RUBCN: variants seen among roughly 807,000 people sequenced by gnomAD.
RUBCN encodes the protein rubicon autophagy regulator.
RUBCN carries 74 observed loss-of-function variants against 113.2 expected under a neutral mutation model. That is an observed-to-expected ratio of 0.65 (90% CI 0.54 to 0.79). The LOEUF (loss-of-function observed/expected upper bound fraction) is 0.79. RUBCN is among the 30% of genes least tolerant of loss of function. The pLI is 0.00. For missense variants in RUBCN, 1,109 were observed against 1,251.7 expected (o/e 0.89, Z 1.72); for synonymous variants, 480 against 490.0 (o/e 0.98, Z 0.27).
chr3:197,734,441 C>A (rs1170954767), intron 1 of RUBCN, among the ~76,000 whole-genome samples: 1 of 151,578 alleles, frequency 6.6e-6, no homozygotes, highest in Non-Finnish European at 1.5e-5. Context: ...ACTCTGGTGC[C>A]GAACTGCCTG....
chr3:197,719,577 T>C (rs185314337), intron 1 of RUBCN, among the ~76,000 whole-genome samples: 75 of 151,922 alleles, frequency 4.9e-4, no homozygotes, highest in South Asian at 3.3e-3. Context: ...ACAAAGAGCA[T>C]TGACATCTTA....
At position 197,681,202 on chromosome 3, in the gene RUBCN, T is replaced by C. The variant is rs773021519; in HGVS notation, c.2357A>G (p.Asn786Ser). ...GTCCTGCACGTTGAAGAGAGGATCA[T>C]TCCAGATCTTAATGAGCAGGTCCTT... is the stretch of plus-strand genomic sequence containing the variant. Reference protein sequence around the residue: ...FSKDLLIKIWNDPLFNVQDIN... With the variant: ...FSKDLLIKIWSDPLFNVQDIN... Residue 786 changes from asparagine to serine, a missense_variant, in exon 16 of 20, where the codon AAT becomes AGT. Asn to Ser is a conservative substitution (Grantham distance 46, BLOSUM62 1). Coordinates refer to ENST00000296343, the MANE Select transcript of RUBCN (RefSeq NM_014687.4). This position sits in a 1 kb window ranked among gnomAD's most constrained non-coding sequence, Gnocchi z 5.5. 1 of 1,614,106 alleles carries C rather than the reference T, an allele frequency of 6.2e-7. No individual in the cohort carries two copies.
intron 1 of RUBCN, among the ~76,000 whole-genome samples, chr3:197,729,776 C>G (rs760030211): frequency 1.3e-5 from 2 of 151,740 alleles, no homozygotes; most frequent in African/African-American, 2.4e-5. Flanking sequence ...CCAGGCTGGT[C>G]TTGAGCTCCT....
intron 16 of RUBCN, among the ~76,000 whole-genome samples, chr3:197,678,220 C>A (rs1720692615): frequency 6.6e-6 from 1 of 151,682 alleles, no homozygotes; most frequent in African/African-American, 2.4e-5. Flanking sequence ...CTGTTGTATG[C>A]TCTAACTCGA....
chr3:197,701,098 T>C lies in RUBCN; in HGVS notation c.776A>G (p.Gln259Arg), dbSNP rs2108904362. The change falls in exon 7 of 20, where the codon CAA becomes CGA. Residue 259 changes from glutamine to arginine, a missense_variant. Transcript: ENST00000296343. ...FPLSGPPRKP[Q>R]ESRGHVSPAE... ...TGGTGAGACGTGCCCTCTGCTTTCT[T>C]GAGGTTTCCGGGGAGGGCCAGAGAG... 1 of 1,590,976 alleles carries C rather than the reference T, an allele frequency of 6.3e-7. No individual in the cohort carries two copies. Among genetic ancestry groups the C allele is most frequent in the East Asian group, 2.2e-5 (1 of 44,520 alleles).
intron 11 of RUBCN, among the ~76,000 whole-genome samples, chr3:197,689,483 T>A (rs1378271866): frequency 1.3e-5 from 2 of 152,142 alleles, no homozygotes; most frequent in Non-Finnish European, 2.9e-5. Flanking sequence ...AGATTGGACA[T>A]GCTCTGAGGG....
chr3:197,725,982 A>G (rs1726701131), intron 1 of RUBCN, among the ~76,000 whole-genome samples: 1 of 152,166 alleles, frequency 6.6e-6, no homozygotes, highest in Non-Finnish European at 1.5e-5. Context: ...GATCTTATTC[A>G]TGCAGAGCTC....
Position 197,700,998 on chromosome 3 carries a change from A to C in RUBCN, c.876T>G (p.Asn292Lys). The C allele has an allele frequency of 6.2e-7, 1 of 1,614,126 alleles. No individual in the cohort carries two copies. Among genetic ancestry groups the C allele is most frequent in the South Asian group, 1.1e-5 (1 of 91,072 alleles). The change falls in exon 7 of 20, where the codon AAT (asparagine) becomes AAG (lysine). Residue 292 changes from asparagine (N) to lysine (K), a missense_variant. Around this residue, in one of 3 missense-constraint regions of RUBCN, gnomAD observed 736 missense variants for 779.6 expected, o/e 0.94. Coordinates refer to ENST00000296343, the MANE Select transcript of RUBCN (RefSeq NM_014687.4). ...ALARDSPLTPNEMSSSTLTSP... is the reference protein window; with the variant it reads ...ALARDSPLTPKEMSSSTLTSP... Reference sequence around the variant, plus strand: ...TGGTCAGAGTACTGGAGCTCATTTCATTTGGGGTCAAAGGGGAATCCCTGG... The same window carrying C: ...TGGTCAGAGTACTGGAGCTCATTTCCTTTGGGGTCAAAGGGGAATCCCTGG...
chr3:197,738,758 T>C (rs1234837101), upstream of RUBCN, among the ~76,000 whole-genome samples: 1 of 151,926 alleles, frequency 6.6e-6, no homozygotes, highest in African/African-American at 2.4e-5. Context: ...TTTGTTTTTT[T>C]TTTTTTAATT....
chr3:197,729,836 G>A lies in RUBCN; in HGVS notation c.65+6819C>T, dbSNP rs141474126. On this transcript the variant is annotated intron_variant, in intron 1 of 19. Coordinates refer to ENST00000296343, the MANE Select transcript of RUBCN (RefSeq NM_014687.4). ...AGCCTCCCAAAGTGCTGGGATGACA[G>A]GCATGAGCCACCAAATCCAGCCAAT... Among the ~76,000 whole-genome samples the A allele has an allele frequency of 3.0e-3, 450 of 152,334 alleles. 1 individual carries two copies. Among genetic ancestry groups the A allele is most frequent in the African/African-American group, 0.01 (419 of 41,560 alleles).
Position 197,677,174 on chromosome 3 carries a change from C to T in RUBCN, c.2493-136G>A, listed in dbSNP as rs539365709. The T allele has an allele frequency of 3.4e-5, 32 of 954,114 alleles. No individual in the cohort carries two copies. In the Middle Eastern group the frequency reaches 1.6e-3, roughly 47 times the overall value. The allele number at this position is 954,114 out of a possible 1,614,324, so 59.1% of individuals were successfully genotyped here. On this transcript the variant is annotated intron_variant, in intron 17 of 19. Coordinates refer to ENST00000296343, the MANE Select transcript of RUBCN (RefSeq NM_014687.4). Reference sequence around the variant, plus strand: ...CAGCCAGCCCAAGGTTCCAGGCCGCCGCAGCCGTTCCACGCTATTAGGTGT... The same window carrying T: ...CAGCCAGCCCAAGGTTCCAGGCCGCTGCAGCCGTTCCACGCTATTAGGTGT...
rs1724775058 is a variant in RUBCN at position 197,709,996 on chromosome 3, CCT to C, written c.220-4823_220-4822del. 3.3e-5 allele frequency among the ~76,000 whole-genome samples: 5 copies of C among 151,686 alleles called. No homozygotes were observed. The South Asian group carries it at 1.0e-3, about 32-fold the overall frequency. ...GGCCAGCCTGGCCAATATGTGAAACCCTGTCTCTACTAAAAATACAAAAATTA... is the reference window on the plus strand; with the variant it reads ...GGCCAGCCTGGCCAATATGTGAAACCGTCTCTACTAAAAATACAAAAATTA... On this transcript the variant is annotated intron_variant, in intron 2 of 19. Transcript: ENST00000296343.
chr3:197,674,914 A>G lies in RUBCN; in HGVS notation c.*104T>C. On this transcript the variant is annotated 3_prime_UTR_variant, in exon 20 of 20. Transcript: ENST00000296343. ...AAAAAAAGATGATGATAATTAAAAA[A>G]AAAAAAAAAAAAAGAAGCCCCAGGT... is the stretch of plus-strand genomic sequence containing the variant. The G allele has an allele frequency of 1.0e-6, 1 of 978,880 alleles. No homozygotes were observed. The highest frequency in any genetic ancestry group is 2.0e-5 in the South Asian group (1 of 50,764). 60.6% of individuals were successfully genotyped at this position (978,880 alleles called of 1,614,324 possible).
chr3:197,671,544 G>A lies in RUBCN; in HGVS notation c.*3474C>T, dbSNP rs1719791073. 1 of 152,202 alleles carries A rather than the reference G, an allele frequency of 6.6e-6. No individual in the cohort carries two copies. Among genetic ancestry groups the A allele is most frequent in the Non-Finnish European group, 1.5e-5 (1 of 68,032 alleles). The allele number at this position is 152,202 out of a possible 1,614,324, so 9.4% of individuals were successfully genotyped here. On this transcript the variant is annotated 3_prime_UTR_variant, in exon 20 of 20. Transcript: ENST00000296343. ...TTGAAGACAATTAATTTTCAAACCTGGGTGACTAATGGTTAGGTTTTTGGA... is the reference window on the plus strand; with the variant it reads ...TTGAAGACAATTAATTTTCAAACCTAGGTGACTAATGGTTAGGTTTTTGGA...
rs146006052 is a variant in RUBCN at position 197,703,559 on chromosome 3, C to T, written c.559G>A (p.Asp187Asn). The T allele has an allele frequency of 5.2e-5, 84 of 1,611,078 alleles. 1 individual carries two copies. The East Asian group carries it at 1.5e-3, about 29-fold the overall frequency. Residue 187 changes from aspartate to asparagine, a missense_variant, in exon 5 of 20, where the codon GAT becomes AAT. Physicochemically the swap from Asp to Asn is conservative, Grantham distance 23 (BLOSUM62 1). Transcript: ENST00000296343. ...QNNPRLLAQI[D>N]ASMFARKHES... ...CTTGTCCCCTGTACCATGGACGCAT[C>T]GATCTGAGCCAGGAGGCGGGGGTTG...
chr3:197,727,698 A>T (rs1726913288), intron 1 of RUBCN, among the ~76,000 whole-genome samples: 1 of 152,208 alleles, frequency 6.6e-6, no homozygotes, highest in African/African-American at 2.4e-5. Context: ...CAAATACTGG[A>T]TATGACTTTT....
intron 1 of RUBCN, among the ~76,000 whole-genome samples, chr3:197,722,059 C>T (rs755196875): frequency 1.3e-5 from 2 of 151,516 alleles, no homozygotes; most frequent in African/African-American, 2.4e-5. Flanking sequence ...GTCAACATGG[C>T]GAAACCCCAT....
chr3:197,680,008 G>A (rs1229147102), intron 16 of RUBCN, among the ~76,000 whole-genome samples: 1 of 133,596 alleles, frequency 7.5e-6, no homozygotes, highest in Admixed American at 7.8e-5. Context: ...AGATTGTCCT[G>A]TGCTCTGACA....
rs768455064 is a variant in RUBCN, at chr3:197,701,068, T to A, written c.806A>T (p.Glu269Val). ...TGGGGGGGCTTGGATGGTTTGATCCTCTGCTGGTGAGACGTGCCCTCTGCT... is the reference window on the plus strand; with the variant it reads ...TGGGGGGGCTTGGATGGTTTGATCCACTGCTGGTGAGACGTGCCCTCTGCT... ...QESRGHVSPA[E>V]DQTIQAPPVS... The change falls in exon 7 of 20, where the codon GAG (glutamate) becomes GTG (valine). Residue 269 changes from glutamate to valine, a missense_variant. Glu to Val is a moderately radical substitution (Grantham distance 121). Around this residue, in one of 3 missense-constraint regions of RUBCN, gnomAD observed 736 missense variants for 779.6 expected, o/e 0.94. Transcript: ENST00000296343. The A allele has an allele frequency of 6.2e-7, 1 of 1,610,624 alleles. No homozygotes were observed. The highest frequency in any genetic ancestry group is 1.1e-5 in the South Asian group (1 of 90,842).
Sources: gnomAD v4.1 joint callset for allele counts (sites outside exome capture counted in the v4.1 genomes callset) on GRCh38, gnomAD v4.1.1 for gene constraint, gnomAD v4.1.1 regional missense constraint, Gnocchi (gnomAD v3.1) non-coding constraint, MANE v1.5 for transcripts, NCBI Gene and HGNC (gene_info 2026-07-23, HGNC 2026-07-21) for gene names.